ANXA8: variants seen among roughly 807,000 people sequenced by gnomAD.
ANXA8 encodes VAC-beta.
In ANXA8, 9 loss-of-function variants were observed where a neutral mutation model predicts 26.8. The ratio of observed to expected loss-of-function variants is 0.34; its 90% CI spans 0.20 to 0.59. The LOEUF (loss-of-function observed/expected upper bound fraction) is 0.59. Ranked by LOEUF, ANXA8 falls within the 20% of genes least tolerant of loss-of-function variation. ANXA8 has a pLI of 0.84. For synonymous variants in ANXA8, 39 were observed against 94.8 expected, an observed-to-expected ratio of 0.41 and a Z score of 3.42; for missense variants, 83 against 238.5, an observed-to-expected ratio of 0.35 and a Z score of 4.29.
the ANXA8 span, among the ~76,000 whole-genome samples, chr10:47,742,829 AAG>A: frequency 2.9e-5 from 4 of 136,032 alleles, no homozygotes; most frequent in African/African-American, 1.1e-4. Flanking sequence ...CAGTATTTTA[AAG>A]ATGTCAATTC....
the ANXA8 span, among the ~76,000 whole-genome samples, chr10:47,663,784 T>C: frequency 6.7e-6 from 1 of 148,540 alleles, no homozygotes; most frequent in African/African-American, 2.6e-5. Context: ...TTTGGAGTGA[T>C]TTCTGATGCT....
At chr10:47,502,308 C>A in the ANXA8 span, 2 of 1,602,870 alleles carry the variant, frequency 1.2e-6, no homozygotes, top group Admixed American at 3.4e-5. Flanking sequence ...AGCCATGTGC[C>A]AGCAGCAGGA....
chr10:47,723,349 C>T, the ANXA8 span, among the ~76,000 whole-genome samples: 1 of 56,282 alleles, frequency 1.8e-5, no homozygotes, highest in South Asian at 6.3e-4. Context: ...TGTTTTATAC[C>T]CAGCCAAACT....
chr10:47,490,278 T>C, the ANXA8 span: 1 of 157,926 alleles, frequency 6.3e-6, no homozygotes, highest in African/African-American at 2.5e-5. Context: ...GTTCTTATTC[T>C]AACTCTACCT....
At chr10:47,751,158 G>C in the ANXA8 span, 1 of 151,930 alleles carries the variant, frequency 6.6e-6, no homozygotes, top group Non-Finnish European at 1.5e-5. Context: ...ATTGAGGATG[G>C]ACAAGAATAC....
chr10:47,675,917 A>T, the ANXA8 span, among the ~76,000 whole-genome samples: 1 of 151,710 alleles, frequency 6.6e-6, no homozygotes, highest in African/African-American at 2.4e-5. Flanking sequence ...AAATTATGCC[A>T]AAGAACCAAG....
the ANXA8 span, among the ~76,000 whole-genome samples, chr10:47,520,942 A>C: frequency 8.0e-6 from 1 of 125,192 alleles, no homozygotes; most frequent in Non-Finnish European, 1.6e-5. Flanking sequence ...AAGTTTTAAA[A>C]GACAGTCTAT....
At chr10:47,546,479 C>T in the ANXA8 span, among the ~76,000 whole-genome samples, 12 of 120,960 alleles carry the variant, frequency 9.9e-5, no homozygotes, top group East Asian at 3.9e-4. Context: ...CTCGGCTCAG[C>T]GCAAGCTCCG....
chr10:47,595,214 C>T, the ANXA8 span, among the ~76,000 whole-genome samples: 10 of 148,406 alleles, frequency 6.7e-5, no homozygotes, highest in Admixed American at 1.3e-4. Context: ...GTCAAGCAAT[C>T]GGTAAGGGAA....
chr10:47,666,932 G>T, the ANXA8 span, among the ~76,000 whole-genome samples: 1 of 152,012 alleles, frequency 6.6e-6, no homozygotes, highest in African/African-American at 2.4e-5. Flanking sequence ...TTATTTGCAT[G>T]ATTTGCTGTG....
chr10:47,674,615 A>C, the ANXA8 span, among the ~76,000 whole-genome samples: 435 of 151,630 alleles, frequency 2.9e-3, 3 homozygotes, highest in Middle Eastern at 0.014. Context: ...CGCAGCCTAC[A>C]CTTAAGGCAT....
At chr10:47,484,918 C>T (rs1235376958), upstream of ANXA8, among the ~76,000 whole-genome samples, 1 of 148,460 alleles carries the variant, frequency 6.7e-6, no homozygotes, top group Non-Finnish European at 1.5e-5. Flanking sequence ...TAAGCGTCCT[C>T]CCGGCTGGCT....
chr10:47,913,889 A>C, the ANXA8 span, among the ~76,000 whole-genome samples: 2 of 73,172 alleles, frequency 2.7e-5, no homozygotes, highest in East Asian at 5.2e-4. Flanking sequence ...TTTGTAGGCA[A>C]CCTTTCTCTT....
At chr10:47,888,980 ATATGTGTGTGTGTGTGTG>A in the ANXA8 span, among the ~76,000 whole-genome samples, 3 of 64,206 alleles carry the variant, frequency 4.7e-5, no homozygotes, top group African/African-American at 1.1e-4. Flanking sequence ...AATATAATAT[ATATGTGTGTGTGTGTGTG>A]TGTGTGTGTG....
chr10:47,599,519 A>C, the ANXA8 span: 7 of 148,004 alleles, frequency 4.7e-5, no homozygotes, highest in Non-Finnish European at 8.8e-5. Flanking sequence ...AAAACATTTA[A>C]GCAATATTCC....
chr10:47,616,336 GCTAC>G, the ANXA8 span, among the ~76,000 whole-genome samples: 1 of 64,724 alleles, frequency 1.5e-5, no homozygotes, highest in Non-Finnish European at 3.8e-5. Flanking sequence ...GTAACTCTGT[GCTAC>G]CTATTTGTTA....
At chr10:47,478,734 C>G in intron 2 of ANXA8, 107 bp from the exon 3 acceptor site, 1 of 460,732 alleles carries the variant, frequency 2.2e-6, no homozygotes, top group Non-Finnish European at 3.5e-6. Context: ...GCAGTTGGGA[C>G]CCGACACCTG....
chr10:47,687,828 G>C, the ANXA8 span, among the ~76,000 whole-genome samples: 4 of 152,004 alleles, frequency 2.6e-5, no homozygotes, highest in South Asian at 8.3e-4. Context: ...CGCCAGGCAC[G>C]TTGGCTCACA....
At chr10:47,566,660 A>T in the ANXA8 span, among the ~76,000 whole-genome samples, 2 of 142,496 alleles carry the variant, frequency 1.4e-5, no homozygotes, top group East Asian at 4.1e-4. Flanking sequence ...GGGCGTTGAG[A>T]GGGGCTGAGG....
Sources: allele counts gnomAD v4.1 joint callset (sites outside exome capture counted in the v4.1 genomes callset), GRCh38; gene constraint gnomAD v4.1.1; transcripts MANE v1.5; gene names NCBI Gene and HGNC (gene_info 2026-07-23, HGNC 2026-07-21).